ATRNL1: variants seen among roughly 807,000 people sequenced by gnomAD.
ATRNL1 encodes attractin like 1, also known as attractin-like protein 1.
ATRNL1 carries 95 observed loss-of-function variants against 182.7 expected under a neutral mutation model. The ratio of observed to expected loss-of-function variants is 0.52; its 90% confidence interval spans 0.44 to 0.62. ATRNL1 has a LOEUF of 0.62. Among genes scored for constraint, ATRNL1 ranks in the 20% least tolerant of loss-of-function variants. The probability of loss-of-function intolerance (pLI) is 0.00; values close to 1 mark genes in which losing one functional copy is unlikely to be tolerated. For missense variants in ATRNL1, 1,471 were observed against 1,679.5 expected, an observed-to-expected ratio of 0.88 and a Z score of 2.17; for synonymous variants, 576 against 568.3, an observed-to-expected ratio of 1.01 and a Z score of -0.19.
intron 8 of ATRNL1, among the ~76,000 whole-genome samples, chr10:115,206,781 C>T (rs894783406): frequency 7.2e-5 from 11 of 152,110 alleles, no homozygotes; most frequent in Admixed American, 2.0e-4. Flanking sequence ...TGGTTTGCTG[C>T]ACCCATCAAC....
At chr10:115,362,258 C>A (rs1856786303) in intron 19 of ATRNL1, among the ~76,000 whole-genome samples, 1 of 151,510 alleles carries the variant, frequency 6.6e-6, no homozygotes, top group Admixed American at 6.6e-5. Context: ...TTTTCATAAA[C>A]TATAAATTGA....
At chr10:115,600,589 T>C (rs1361266254) in intron 26 of ATRNL1, among the ~76,000 whole-genome samples, 15 of 152,124 alleles carry the variant, frequency 9.9e-5, no homozygotes, top group Non-Finnish European at 2.1e-4. Flanking sequence ...ATTCTTATTA[T>C]TGAGATGTAA....
intron 24 of ATRNL1, among the ~76,000 whole-genome samples, chr10:115,500,471 T>C (rs1849769777): frequency 1.3e-5 from 2 of 152,208 alleles, no homozygotes; most frequent in African/African-American, 2.4e-5. Flanking sequence ...TTCCCGTGTT[T>C]ATTAAAGACA....
chr10:115,303,472 C>T (rs566790404), intron 17 of ATRNL1, among the ~76,000 whole-genome samples: 10 of 152,216 alleles, frequency 6.6e-5, no homozygotes, highest in South Asian at 2.1e-4. Flanking sequence ...CCACCCAGCT[C>T]GGCCTCCCAA....
intron 26 of ATRNL1, among the ~76,000 whole-genome samples, chr10:115,619,120 AGGTTGT>A (rs1857585589): frequency 1.3e-5 from 2 of 152,078 alleles, no homozygotes; most frequent in Admixed American, 1.3e-4. Flanking sequence ...CTCACGGTTT[AGGTTGT>A]GGTTGTTTGT....
chr10:115,696,870 C>CGAGAGAGAGAGAGAGAGAGAGAGAGA (rs138252590), intron 26 of ATRNL1, among the ~76,000 whole-genome samples: 5 of 133,956 alleles, frequency 3.7e-5, no homozygotes, highest in African/African-American at 5.6e-5. Context: ...CATATCAGAG[C>CGAGAGAGAGAGAGAGAGAGAGAGAGA]GAGAGAGAGA....
At chr10:115,325,103 C>T (rs1468675092) in intron 18 of ATRNL1, among the ~76,000 whole-genome samples, 1 of 152,058 alleles carries the variant, frequency 6.6e-6, no homozygotes, top group Non-Finnish European at 1.5e-5. Context: ...AAACTATGTA[C>T]TTATTTGCAT....
chr10:115,251,511 G>T (rs1302525369), intron 10 of ATRNL1, among the ~76,000 whole-genome samples: 8 of 152,132 alleles, frequency 5.3e-5, no homozygotes, highest in African/African-American at 1.9e-4. Context: ...ATTGGGCTAA[G>T]TTCTGTTACA....
At chr10:115,574,655 C>G (rs1440182460) in intron 26 of ATRNL1, among the ~76,000 whole-genome samples, 2 of 152,058 alleles carry the variant, frequency 1.3e-5, no homozygotes, top group Non-Finnish European at 2.9e-5. Flanking sequence ...ACTTGGGCAC[C>G]AGATGCTCCT....
intron 27 of ATRNL1, among the ~76,000 whole-genome samples, chr10:115,728,211 C>T (rs1050910733): frequency 7.2e-6 from 1 of 138,120 alleles, no homozygotes; most frequent in African/African-American, 2.7e-5. Flanking sequence ...AGAAGAATGG[C>T]GTGAACCCGG....
intron 14 of ATRNL1, among the ~76,000 whole-genome samples, chr10:115,283,414 A>C (rs1554917645): frequency 6.6e-6 from 1 of 152,192 alleles, no homozygotes; most frequent in Non-Finnish European, 1.5e-5. Context: ...ACTCTGTCTC[A>C]AAAACAAACG....
At chr10:115,942,824 A>C (rs1377456228) in intron 28 of ATRNL1, among the ~76,000 whole-genome samples, 2 of 152,186 alleles carry the variant, frequency 1.3e-5, no homozygotes, top group Admixed American at 1.3e-4. Flanking sequence ...GTGATTTGAT[A>C]CATTTGGTTT....
chr10:115,286,629 G>C (rs1852628773), intron 15 of ATRNL1, among the ~76,000 whole-genome samples: 1 of 151,868 alleles, frequency 6.6e-6, no homozygotes, highest in Non-Finnish European at 1.5e-5. Context: ...ACCAAGAAGT[G>C]ATCTTATATG....
chr10:115,878,100 G>A (rs553453728), intron 28 of ATRNL1, among the ~76,000 whole-genome samples: 49 of 152,324 alleles, frequency 3.2e-4, no homozygotes, highest in African/African-American at 1.2e-3. Flanking sequence ...CCTCTGTAGG[G>A]CTCTGCAGAT....
chr10:115,362,920 T>C (rs1856821470), intron 19 of ATRNL1, among the ~76,000 whole-genome samples: 1 of 151,960 alleles, frequency 6.6e-6, no homozygotes, highest in African/African-American at 2.4e-5. Flanking sequence ...CAGTCTATCA[T>C]TGATGGACAT....
At position 115,786,521 on chromosome 10, in the gene ATRNL1, G is replaced by A. The variant is rs7474672; in HGVS notation, c.3903+59166G>A. On this transcript the variant is annotated intron_variant, in intron 27 of 28. Transcript: ENST00000355044. Reference sequence around the variant, plus strand: ...CCCATCTCTGCCTTCGTCATCACATGCACTTCCTCTTCCTTCTTATGTGTC... The same window carrying A: ...CCCATCTCTGCCTTCGTCATCACATACACTTCCTCTTCCTTCTTATGTGTC... Among the ~76,000 whole-genome samples, 27 of 152,212 alleles carry A rather than the reference G, an allele frequency of 1.8e-4. No homozygotes were observed. The South Asian group carries it at 2.7e-3, about 15-fold the overall frequency.
intron 18 of ATRNL1, among the ~76,000 whole-genome samples, chr10:115,333,371 C>G (rs782456025): frequency 6.6e-6 from 1 of 152,046 alleles, no homozygotes; most frequent in Non-Finnish European, 1.5e-5. Context: ...TATAAACAAT[C>G]TCATACTTTA....
chr10:115,270,343 A>T (rs1851797185), intron 13 of ATRNL1, among the ~76,000 whole-genome samples: 2 of 145,162 alleles, frequency 1.4e-5, no homozygotes, highest in South Asian at 4.2e-4. Context: ...TATATATTAT[A>T]TACAGATATA....
intron 24 of ATRNL1, among the ~76,000 whole-genome samples, chr10:115,499,611 G>T (rs540948336): frequency 1.1e-4 from 17 of 152,296 alleles, no homozygotes; most frequent in African/African-American, 3.9e-4. Context: ...GATTCAGTCT[G>T]GAAAGGCAGG....
Sources: allele counts gnomAD v4.1 joint callset (sites outside exome capture counted in the v4.1 genomes callset), GRCh38; gene constraint gnomAD v4.1.1; transcripts MANE v1.5; gene names NCBI Gene and HGNC (gene_info 2026-07-23, HGNC 2026-07-21).